Variants in GTF2IRD2 observed in about 807,000 individuals in gnomAD.
The protein encoded by GTF2IRD2 is GTF2I repeat domain containing 2, also known as general transcription factor II-I repeat domain-containing protein 2A.
Under a neutral mutation model 49.2 loss-of-function variants are expected in GTF2IRD2, and 8 were observed. The ratio of observed to expected loss-of-function variants is 0.16; its 90% CI spans 0.10 to 0.29. The LOEUF (loss-of-function observed/expected upper bound fraction) is 0.29. GTF2IRD2 is among the 10% of genes least tolerant of loss of function. The pLI, the probability that GTF2IRD2 is intolerant of heterozygous loss-of-function variation, is 1.00. For missense variants in GTF2IRD2, 130 were observed against 725.7 expected (o/e 0.18, Z 9.43); for synonymous variants, 47 against 289.7 (o/e 0.16, Z 8.51).
intron 3 of GTF2IRD2, among the ~76,000 whole-genome samples, chr7:74,825,795 C>T (rs1584396724): frequency 3.6e-5 from 5 of 137,320 alleles, no homozygotes; most frequent in Non-Finnish European, 4.6e-5. Flanking sequence ...AGTTTTCTTT[C>T]TTTCTTCTTT....
chr7:74,826,687 C>A (rs2131739449), intron 3 of GTF2IRD2, among the ~76,000 whole-genome samples: 3 of 90,544 alleles, frequency 3.3e-5, no homozygotes, highest in East Asian at 3.3e-4. Context: ...CTGCAAAAGA[C>A]ATCATTTCAT....
chr7:74,839,918 T>C (rs1344090936), intron 1 of GTF2IRD2, among the ~76,000 whole-genome samples: 2 of 139,254 alleles, frequency 1.4e-5, no homozygotes, highest in Non-Finnish European at 3.1e-5. Context: ...GAGAATTGCT[T>C]GAACCCAGAA....
chr7:74,847,278 C>T lies in GTF2IRD2; in HGVS notation c.-6+4089G>A, dbSNP rs1424928337. Among the ~76,000 whole-genome samples, 2 of 26,310 alleles carry T rather than the reference C, an allele frequency of 7.6e-5. 1 individual carries two copies. The highest frequency in any genetic ancestry group is 1.4e-4 in the Non-Finnish European group (2 of 14,508). 17.3% of individuals were successfully genotyped at this position (26,310 alleles called of 152,430 possible). A position where few individuals can be genotyped will look rare whatever the true frequency, so the allele number is the denominator to read the frequency against. ...GGGATTATAGGCGTGAGCCACCACA[C>T]TGAGCCGCAGGGCTTGGTTTTAATT... is the stretch of plus-strand genomic sequence containing the variant. On this transcript the variant is annotated intron_variant, in intron 1 of 15. Transcript: ENST00000451013.
chr7:74,831,391 CTT>C (rs1224791541), intron 3 of GTF2IRD2, among the ~76,000 whole-genome samples: 1 of 150,504 alleles, frequency 6.6e-6, no homozygotes, highest in African/African-American at 2.4e-5. Context: ...ATTCCTCTCT[CTT>C]ATTTATCTAT....
Position 74,841,617 on chromosome 7 carries a change from C to T in GTF2IRD2, c.-5-5234G>A, listed in dbSNP as rs1330398015. On this transcript the variant is annotated intron_variant, in intron 1 of 15. Coordinates refer to ENST00000451013, the MANE Select transcript of GTF2IRD2 (RefSeq NM_173537.5). ...CTGGGATTACAGCTGCAAGCCACTACACCTGGCTCAATCAACTACTTCCTA... is the reference window on the plus strand; with the variant it reads ...CTGGGATTACAGCTGCAAGCCACTATACCTGGCTCAATCAACTACTTCCTA... Among the ~76,000 whole-genome samples the T allele has an allele frequency of 6.8e-3, 972 of 142,166 alleles. 158 individuals are homozygous for T. The highest frequency in any genetic ancestry group is 0.026 in the African/African-American group (886 of 34,522). The allele number at this position is 142,166 out of a possible 152,430, so 93.3% of individuals were successfully genotyped here. A position where few individuals can be genotyped will look rare whatever the true frequency, so the allele number is the denominator to read the frequency against.
chr7:74,823,758 A>G (rs782127157), intron 4 of GTF2IRD2, among the ~76,000 whole-genome samples: 28 of 147,872 alleles, frequency 1.9e-4, no homozygotes, highest in Non-Finnish European at 3.8e-4. Context: ...GCCTTGATGC[A>G]GGGCTCTCTA....
At chr7:74,845,706 T>G (rs1431168193) in intron 1 of GTF2IRD2, among the ~76,000 whole-genome samples, 1 of 152,286 alleles carries the variant, frequency 6.6e-6, no homozygotes, top group African/African-American at 2.4e-5. Context: ...AATAGAAAAT[T>G]GAAAATAATG....
chr7:74,826,845 G>A (rs1460287696), intron 3 of GTF2IRD2, among the ~76,000 whole-genome samples: 7 of 147,860 alleles, frequency 4.7e-5, no homozygotes, highest in Non-Finnish European at 6.0e-5. Context: ...CTGAGTAGCT[G>A]GGATTACAGG....
At position 74,809,775 on chromosome 7, in the gene GTF2IRD2, G is replaced by C. The variant is rs1488851221; in HGVS notation, c.806-602C>G. Among the ~76,000 whole-genome samples, 15 of 134,274 alleles carry C rather than the reference G, an allele frequency of 1.1e-4. No homozygotes were observed. In the South Asian group the frequency reaches 1.8e-3, roughly 16 times the overall value. 88.1% of individuals were successfully genotyped at this position (134,274 alleles called of 152,430 possible). On this transcript the variant is annotated intron_variant, in intron 10 of 15. Coordinates refer to ENST00000451013, the MANE Select transcript of GTF2IRD2 (RefSeq NM_173537.5). ...GTCCCACGCCTCTAGGTTTGGAAAGGAAATCTTTATTATTATTATTATTAT... is the reference window on the plus strand; with the variant it reads ...GTCCCACGCCTCTAGGTTTGGAAAGCAAATCTTTATTATTATTATTATTAT...
At chr7:74,818,455 T>G (rs1798624712) in intron 8 of GTF2IRD2, among the ~76,000 whole-genome samples, 2 of 56,514 alleles carry the variant, frequency 3.5e-5, no homozygotes, top group Non-Finnish European at 4.2e-5. Context: ...CCTCTCTCTC[T>G]CTCTTTTTTT....
At chr7:74,844,360 T>TTTTTATTTA (rs1554422236) in intron 1 of GTF2IRD2, among the ~76,000 whole-genome samples, 4 of 13,218 alleles carry the variant, frequency 3.0e-4, no homozygotes, top group African/African-American at 1.3e-3. Flanking sequence ...ATTATGTTTT[T>TTTTTATTTA]TTTATTTATT....
intron 3 of GTF2IRD2, among the ~76,000 whole-genome samples, chr7:74,825,686 G>T (rs1799312891): frequency 6.7e-6 from 1 of 149,746 alleles, no homozygotes; most frequent in Admixed American, 6.7e-5. Flanking sequence ...AAAACTGATT[G>T]TTTTCATCAG....
chr7:74,815,789 AGAAAGAAG>A (rs1257907156), intron 8 of GTF2IRD2, among the ~76,000 whole-genome samples: 24 of 44,030 alleles, frequency 5.5e-4, no homozygotes, highest in African/African-American at 9.1e-4. Context: ...AAGGAAAGAA[AGAAAGAAG>A]GAAAGAAAGA....
rs1363379485 is a variant in GTF2IRD2 at position 74,830,601 on chromosome 7, T to C, written c.238+2204A>G. Among the ~76,000 whole-genome samples the C allele has an allele frequency of 2.1e-5, 3 of 146,152 alleles. No homozygotes were observed. In the East Asian group the frequency reaches 6.0e-4, roughly 29 times the overall value. On this transcript the variant is annotated intron_variant, in intron 3 of 15. Coordinates refer to ENST00000451013, the MANE Select transcript of GTF2IRD2 (RefSeq NM_173537.5). ...GAGGCAGCTGGAGGCCATTATCCTA[T>C]GTAAATTAATGCAGGGACAGAAAAC...
At chr7:74,815,764 GAGAA>G (rs1252976625) in intron 8 of GTF2IRD2, among the ~76,000 whole-genome samples, 1 of 16,384 alleles carries the variant, frequency 6.1e-5, no homozygotes, top group Non-Finnish European at 1.2e-4. Context: ...GAAGGAAGGA[GAGAA>G]AGAAAGAAAG....
chr7:74,836,240 T>TC, intron 2 of GTF2IRD2, 40 bp downstream of exon 2: 1 of 1,603,086 alleles, frequency 6.2e-7, no homozygotes, highest in Admixed American at 1.7e-5. Context: ...TCGACAATGA[T>TC]CCATCTATGG....
At chr7:74,829,837 G>A (rs1428257851) in intron 3 of GTF2IRD2, among the ~76,000 whole-genome samples, 1 of 149,440 alleles carries the variant, frequency 6.7e-6, no homozygotes, top group African/African-American at 2.5e-5. Context: ...GTGGTCAGCC[G>A]AGATCTCTCC....
At chr7:74,839,367 G>C (rs1800583597) in intron 1 of GTF2IRD2, among the ~76,000 whole-genome samples, 1 of 34,442 alleles carries the variant, frequency 2.9e-5, no homozygotes, top group Non-Finnish European at 4.6e-5. Context: ...GTAGGTCCTA[G>C]AAAGTCTTTT....
chr7:74,836,241 C>T (rs1554421044), intron 2 of GTF2IRD2, 39 bp downstream of exon 2: 1 of 1,603,384 alleles, frequency 6.2e-7, no homozygotes, highest in Admixed American at 1.7e-5. Flanking sequence ...CGACAATGAT[C>T]CATCTATGGA....
Sources: gnomAD v4.1 joint callset for allele counts (sites outside exome capture counted in the v4.1 genomes callset) on GRCh38, gnomAD v4.1.1 for gene constraint, MANE v1.5 for transcripts, NCBI Gene and HGNC (gene_info 2026-07-23, HGNC 2026-07-21) for gene names.